PDZRN4: variants seen among roughly 807,000 people sequenced by gnomAD.
The protein encoded by PDZRN4 is PDZ domain-containing RING finger protein 4.
PDZRN4 carries 70 observed loss-of-function variants against 99.0 expected under a neutral mutation model. The ratio of observed to expected loss-of-function variants is 0.71; its 90% CI spans 0.58 to 0.86. The LOEUF (loss-of-function observed/expected upper bound fraction) is 0.86. Among genes scored for constraint, PDZRN4 ranks in the 40% least tolerant of loss-of-function variants. The pLI, the probability that PDZRN4 is intolerant of heterozygous loss-of-function variation, is 0.00. For missense variants in PDZRN4, 1,474 were observed against 1,331.2 expected (o/e 1.11, Z -1.67); for synonymous variants, 551 against 501.6 (o/e 1.10, Z -1.32).
intron 3 of PDZRN4, among the ~76,000 whole-genome samples, chr12:41,382,325 C>T (rs1952133853): frequency 6.6e-6 from 1 of 152,068 alleles, no homozygotes; most frequent in Non-Finnish European, 1.5e-5. Context: ...CAGGCTCTGC[C>T]CTGTGTTTGG....
rs567296431 is a variant in PDZRN4 at position 41,554,939 on chromosome 12, T to G, written c.1303-759T>G. ...AAGTATGGTCTTGGGCCGGACGCGG[T>G]GGCTCACGCCTGTAATCCTAGCACT... On this transcript the variant is annotated intron_variant, in intron 6 of 9. Transcript: ENST00000402685. Among the ~76,000 whole-genome samples the G allele has an allele frequency of 7.3e-5, 11 of 150,880 alleles. 1 individual carries two copies. Among genetic ancestry groups the G allele is most frequent in the African/African-American group, 2.0e-4 (8 of 40,998 alleles).
At chr12:41,216,874 ATTC>A (rs1950924476) in intron 3 of PDZRN4, among the ~76,000 whole-genome samples, 1 of 152,064 alleles carries the variant, frequency 6.6e-6, no homozygotes, top group South Asian at 2.1e-4. Flanking sequence ...ATGTCCCTCT[ATTC>A]TTCTTAAAAA....
intron 3 of PDZRN4, among the ~76,000 whole-genome samples, chr12:41,257,925 G>T (rs902922592): frequency 6.6e-6 from 1 of 152,256 alleles, no homozygotes; most frequent in African/African-American, 2.4e-5. Flanking sequence ...CAGCACTTAT[G>T]TACCTCTGCT....
intron 3 of PDZRN4, among the ~76,000 whole-genome samples, chr12:41,204,789 A>G (rs73119019): frequency 0.035 from 5,352 of 152,054 alleles, 128 homozygotes; most frequent in Non-Finnish European, 0.052. Flanking sequence ...CAGCCAAACC[A>G]TATCAGAGCC....
intron 3 of PDZRN4, among the ~76,000 whole-genome samples, chr12:41,215,605 C>G (rs1950914974): frequency 6.6e-6 from 1 of 151,934 alleles, no homozygotes; most frequent in African/African-American, 2.4e-5. Context: ...TCATTAGAAC[C>G]TCAACAGATT....
intron 3 of PDZRN4, among the ~76,000 whole-genome samples, chr12:41,485,964 G>C (rs1937765497): frequency 6.6e-6 from 1 of 152,036 alleles, no homozygotes; most frequent in Non-Finnish European, 1.5e-5. Context: ...GTTTAGGAAA[G>C]AAGAAAAAAT....
At chr12:41,535,698 G>T (rs1436009910) in intron 5 of PDZRN4, among the ~76,000 whole-genome samples, 1 of 152,206 alleles carries the variant, frequency 6.6e-6, no homozygotes, top group East Asian at 1.9e-4. Context: ...GAGTGGGTTT[G>T]TTATTACAGC....
chr12:41,420,394 T>A (rs1402232972), intron 3 of PDZRN4, among the ~76,000 whole-genome samples: 1 of 152,192 alleles, frequency 6.6e-6, no homozygotes, highest in Non-Finnish European at 1.5e-5. Flanking sequence ...AATTATCACA[T>A]TAGCTCTGTC....
chr12:41,238,392 G>A (rs1951080539), intron 3 of PDZRN4, among the ~76,000 whole-genome samples: 2 of 152,082 alleles, frequency 1.3e-5, no homozygotes, highest in Non-Finnish European at 2.9e-5. Context: ...TTAAACTACA[G>A]AGCTTCTGCA....
At chr12:41,549,726 TGAGAGA>T (rs1206383811) in intron 5 of PDZRN4, among the ~76,000 whole-genome samples, 1 of 152,214 alleles carries the variant, frequency 6.6e-6, no homozygotes, top group Admixed American at 6.5e-5. Context: ...ATGATTCCTT[TGAGAGA>T]TATTTATGTA....
chr12:41,267,871 G>A (rs796733731), intron 3 of PDZRN4, among the ~76,000 whole-genome samples: 6 of 151,956 alleles, frequency 3.9e-5, no homozygotes, highest in African/African-American at 1.4e-4. Context: ...CAAAAAGGAA[G>A]AAGAAGGTGT....
chr12:41,551,532 G>T (rs970475236), intron 5 of PDZRN4, among the ~76,000 whole-genome samples: 19 of 152,110 alleles, frequency 1.2e-4, no homozygotes, highest in African/African-American at 4.3e-4. Flanking sequence ...CATCTGGAAA[G>T]ATTTTTGAAA....
intron 3 of PDZRN4, among the ~76,000 whole-genome samples, chr12:41,209,297 T>A (rs1190371233): frequency 6.6e-6 from 1 of 151,736 alleles, no homozygotes; most frequent in East Asian, 1.9e-4. Flanking sequence ...TCTTTATCCA[T>A]AAGCACAATG....
At chr12:41,240,525 G>A (rs970260620) in intron 3 of PDZRN4, among the ~76,000 whole-genome samples, 7 of 152,156 alleles carry the variant, frequency 4.6e-5, no homozygotes, top group African/African-American at 1.4e-4. Flanking sequence ...GACAGTGAAC[G>A]CATCAATAAA....
intron 3 of PDZRN4, among the ~76,000 whole-genome samples, chr12:41,208,211 C>T (rs1950863986): frequency 1.3e-5 from 2 of 151,798 alleles, no homozygotes; most frequent in Admixed American, 1.3e-4. Flanking sequence ...TCTGACGTGA[C>T]AAAATAGAAG....
intron 3 of PDZRN4, among the ~76,000 whole-genome samples, chr12:41,408,211 AT>A (rs1441910438): frequency 6.6e-6 from 1 of 152,284 alleles, no homozygotes; most frequent in African/African-American, 2.4e-5. Context: ...AGCATTTTGT[AT>A]TCTATAAAGA....
chr12:41,457,910 C>A (rs1322766290), intron 3 of PDZRN4, among the ~76,000 whole-genome samples: 1 of 152,062 alleles, frequency 6.6e-6, no homozygotes, highest in African/African-American at 2.4e-5. Flanking sequence ...AGGATCTTGA[C>A]CCTGTAGGGG....
At chr12:41,297,332 A>G (rs149113703) in intron 3 of PDZRN4, among the ~76,000 whole-genome samples, 1 of 152,312 alleles carries the variant, frequency 6.6e-6, no homozygotes, top group Non-Finnish European at 1.5e-5. Context: ...GGACTAAAAT[A>G]AATTTTTTAA....
At chr12:41,294,365 A>G (rs529900082) in intron 3 of PDZRN4, among the ~76,000 whole-genome samples, 1 of 152,328 alleles carries the variant, frequency 6.6e-6, no homozygotes, top group East Asian at 1.9e-4. Flanking sequence ...ATTTGAATTT[A>G]GCACACTGAC....
Sources: gnomAD v4.1 joint callset for allele counts (sites outside exome capture counted in the v4.1 genomes callset) on GRCh38, gnomAD v4.1.1 for gene constraint, MANE v1.5 for transcripts, NCBI Gene and HGNC (gene_info 2026-07-23, HGNC 2026-07-21) for gene names.